Variants in FLT3 observed in about 807,000 individuals in gnomAD.
FLT3 encodes fms related receptor tyrosine kinase 3.
FLT3 carries 46 observed loss-of-function variants against 126.6 expected under a neutral mutation model. The ratio of observed to expected loss-of-function variants is 0.36; its 90% confidence interval spans 0.29 to 0.46. FLT3 has a LOEUF of 0.46. Among genes scored for constraint, FLT3 ranks in the 20% least tolerant of loss-of-function variants. The probability of loss-of-function intolerance (pLI) is 1.00; values close to 1 mark genes in which losing one functional copy is unlikely to be tolerated. For synonymous variants in FLT3, 404 were observed against 434.4 expected, an observed-to-expected ratio of 0.93 and a Z score of 0.87; for missense variants, 1,069 against 1,190.3, an observed-to-expected ratio of 0.90 and a Z score of 1.50.
At chr13:28,091,687 C>G (rs907889743) in intron 1 of FLT3, among the ~76,000 whole-genome samples, 4 of 152,114 alleles carry the variant, frequency 2.6e-5, no homozygotes, top group African/African-American at 9.7e-5. Context: ...GTAATCTCAG[C>G]ACTCTGGGAA....
chr13:28,033,990 C>G lies in FLT3; in HGVS notation c.1839G>C (p.Gly613=). The change falls in exon 15 of 24, where the codon GGG becomes GGC. Residue 613 remains glycine, a splice_region_variant and synonymous_variant. Coordinates refer to ENST00000241453, the MANE Select transcript of FLT3 (RefSeq NM_004119.3). ...WEFPRENLEF[G]KVLGSGAFGK... ...CAAAAGCACCTGATCCTAGTACCTTCCCTGCAAAGACAAATGGTGAGTACG... is the reference window on the plus strand; with the variant it reads ...CAAAAGCACCTGATCCTAGTACCTTGCCTGCAAAGACAAATGGTGAGTACG... The G allele has an allele frequency of 6.2e-7, 1 of 1,614,090 alleles. No individual in the cohort carries two copies. The highest frequency in any genetic ancestry group is 8.5e-7 in the Non-Finnish European group (1 of 1,179,932).
intron 15 of FLT3, 96 bp from the exon 16 acceptor site, chr13:28,028,384 A>G (rs1873004471): frequency 1.5e-6 from 1 of 674,184 alleles, no homozygotes; most frequent in African/African-American, 1.8e-5. Flanking sequence ...GTCAATCTGC[A>G]TTATTTATTT....
chr13:28,081,506 G>T (rs888021104), intron 1 of FLT3, among the ~76,000 whole-genome samples: 1 of 152,066 alleles, frequency 6.6e-6, no homozygotes, highest in South Asian at 2.1e-4. Context: ...CTTTTTGTAG[G>T]TTCTATAGAA....
At chr13:28,065,151 G>T (rs1409942614) in intron 2 of FLT3, among the ~76,000 whole-genome samples, 5 of 152,142 alleles carry the variant, frequency 3.3e-5, no homozygotes, top group African/African-American at 1.2e-4. Context: ...TATGTATCTG[G>T]TCACTTGTGC....
intron 15 of FLT3, 88 bp from the exon 16 acceptor site, chr13:28,028,376 C>T (rs1197812390): frequency 1.4e-6 from 1 of 699,268 alleles, no homozygotes; most frequent in Non-Finnish European, 2.5e-6. Flanking sequence ...AGCTCAGAGT[C>T]AATCTGCATT....
At chr13:28,085,693 T>C (rs1878632208) in intron 1 of FLT3, among the ~76,000 whole-genome samples, 1 of 152,180 alleles carries the variant, frequency 6.6e-6, no homozygotes, top group Admixed American at 6.5e-5. Flanking sequence ...TCTCTTTGTT[T>C]CTAGCAATAT....
At chr13:28,090,032 C>T (rs1412248113) in intron 1 of FLT3, among the ~76,000 whole-genome samples, 10 of 151,684 alleles carry the variant, frequency 6.6e-5, no homozygotes, top group Admixed American at 3.9e-4. Context: ...TGAGCTACTG[C>T]GCCCCGCCGT....
chr13:28,037,354 A>C (rs752749402), intron 9 of FLT3, 66 bp from the exon 10 acceptor site: 18 of 919,336 alleles, frequency 2.0e-5, no homozygotes, highest in Non-Finnish European at 2.9e-5. Context: ...AACTAATGAC[A>C]GTGTGCATGG....
intron 1 of FLT3, among the ~76,000 whole-genome samples, chr13:28,088,852 G>C (rs548224655): frequency 1.3e-5 from 2 of 150,700 alleles, no homozygotes; most frequent in East Asian, 3.9e-4. Flanking sequence ...CCAAAGTGCT[G>C]GGATTACAAG....
chr13:28,044,844 G>A (rs1437612817), intron 9 of FLT3, among the ~76,000 whole-genome samples: 1 of 152,180 alleles, frequency 6.6e-6, no homozygotes, highest in Non-Finnish European at 1.5e-5. Context: ...ACTCATCTTT[G>A]GCCCAGACTG....
chr13:28,017,729 A>C (rs1194624311), intron 20 of FLT3, among the ~76,000 whole-genome samples: 1 of 147,664 alleles, frequency 6.8e-6, no homozygotes, highest in Non-Finnish European at 1.5e-5. Flanking sequence ...CAGTGGCGCG[A>C]TCTCAGCTCA....
At chr13:28,063,576 C>T (rs1876757342) in intron 2 of FLT3, among the ~76,000 whole-genome samples, 1 of 152,208 alleles carries the variant, frequency 6.6e-6, no homozygotes, top group African/African-American at 2.4e-5. Flanking sequence ...CTTTACATGG[C>T]TGAACACAGC....
chr13:28,099,145 T>C (rs1278899318), intron 1 of FLT3, among the ~76,000 whole-genome samples: 4 of 152,214 alleles, frequency 2.6e-5, no homozygotes, highest in African/African-American at 7.2e-5. Context: ...AATTCTTTCC[T>C]AAATAGAAAA....
chr13:28,053,418 A>G (rs1450113807), intron 4 of FLT3, among the ~76,000 whole-genome samples: 1 of 150,492 alleles, frequency 6.6e-6, no homozygotes, highest in Non-Finnish European at 1.5e-5. Context: ...ATATATATGA[A>G]AGAATATATG....
chr13:28,004,010 G>A lies in FLT3; in HGVS notation c.*42C>T. 6.2e-7 allele frequency: 1 copy of A among 1,611,158 alleles called. No homozygotes were observed. Among genetic ancestry groups the A allele is most frequent in the Non-Finnish European group, 8.5e-7 (1 of 1,177,444 alleles). ...GTTTTGGTAATCTACAGCCTGTTAG[G>A]GATAGGTGGAGGGATGAAGTCCTTA... On this transcript the variant is annotated 3_prime_UTR_variant, in exon 24 of 24. Coordinates refer to ENST00000241453, the MANE Select transcript of FLT3 (RefSeq NM_004119.3).
At chr13:28,065,709 T>A (rs1337850063) in intron 2 of FLT3, among the ~76,000 whole-genome samples, 3 of 148,882 alleles carry the variant, frequency 2.0e-5, no homozygotes, top group Non-Finnish European at 4.4e-5. Context: ...ACGCCTGTAA[T>A]CCCAGCACTT....
At chr13:28,050,458 T>A (rs2137731929) in intron 5 of FLT3, among the ~76,000 whole-genome samples, 1 of 152,140 alleles carries the variant, frequency 6.6e-6, no homozygotes, top group Middle Eastern at 3.4e-3. Flanking sequence ...AACAAAACAG[T>A]TTAAAATTGT....
chr13:28,025,346 C>T (rs991892560), intron 17 of FLT3: 7 of 446,056 alleles, frequency 1.6e-5, no homozygotes, highest in Middle Eastern at 3.3e-4. Context: ...CAGATCTTCC[C>T]GAGAGTCCCG....
Position 28,015,178 on chromosome 13 carries a change from G to A in FLT3, c.2732C>T (p.Pro911Leu). 1 of 1,603,736 alleles carries A rather than the reference G, an allele frequency of 6.2e-7. No individual in the cohort carries two copies. The highest frequency in any genetic ancestry group is 2.2e-5 in the East Asian group (1 of 44,810). Residue 911 changes from proline (P) to leucine (L), a missense_variant, in exon 22 of 24, where the codon CCA (proline) becomes CTA (leucine). Physicochemically the swap from Pro to Leu is moderately conservative, Grantham distance 98. Coordinates refer to ENST00000241453, the MANE Select transcript of FLT3 (RefSeq NM_004119.3). The stretch of plus-strand genomic sequence containing the variant: ...TTACATTTCTTCTGTAGCATAAAAT[G>A]GCTGATCCATTTTAAATCCATTTTG... ...LIQNGFKMDQ[P>L]FYATEEIYII...
Sources: allele counts gnomAD v4.1 joint callset (sites outside exome capture counted in the v4.1 genomes callset), GRCh38; gene constraint gnomAD v4.1.1; transcripts MANE v1.5; gene names NCBI Gene and HGNC (gene_info 2026-07-23, HGNC 2026-07-21).